The following PCSK5 variants were observed in gnomAD, a reference collection of about 807,000 sequenced individuals.
PCSK5 encodes proprotein convertase subtilisin/kexin type 5.
In PCSK5, 129 loss-of-function variants were observed where a neutral mutation model predicts 233.2. That is an observed-to-expected ratio of 0.55 (90% CI 0.48 to 0.64). PCSK5 has a LOEUF of 0.64. PCSK5 is among the 30% of genes least tolerant of loss of function. The pLI, the probability that PCSK5 is intolerant of heterozygous loss-of-function variation, is 0.00. For missense variants in PCSK5, 2,076 were observed against 2,430.1 expected (o/e 0.85, Z 3.06); for synonymous variants, 825 against 879.2 (o/e 0.94, Z 1.09).
At chr9:76,181,942 C>T (rs1823890189) in intron 16 of PCSK5, among the ~76,000 whole-genome samples, 1 of 152,122 alleles carries the variant, frequency 6.6e-6, no homozygotes, top group Non-Finnish European at 1.5e-5. Flanking sequence ...TATTCACTTC[C>T]CCGTGCAACA....
rs114151275 is a variant in PCSK5 at position 76,067,855 on chromosome 9, G to A, written c.633-100G>A. 480 of 914,628 alleles carry A rather than the reference G, an allele frequency of 5.2e-4. 1 individual carries two copies. The African/African-American group carries it at 7.0e-3, about 13-fold the overall frequency. 56.7% of individuals were successfully genotyped at this position (914,628 alleles called of 1,614,324 possible). A position where few individuals can be genotyped will look rare whatever the true frequency, so the allele number is the denominator to read the frequency against. On this transcript the variant is annotated intron_variant, in intron 5 of 37. Coordinates refer to ENST00000674117, the MANE Select transcript of PCSK5 (RefSeq NM_001372043.1). Reference sequence around the variant, plus strand: ...GGAAGGAAGTTCCAGAAACACCACAGCTGGGTACATTCTTCACCACTCTGA... The same window carrying A: ...GGAAGGAAGTTCCAGAAACACCACAACTGGGTACATTCTTCACCACTCTGA...
intron 22 of PCSK5, among the ~76,000 whole-genome samples, chr9:76,238,546 C>G (rs185124615): frequency 6.6e-6 from 1 of 152,176 alleles, no homozygotes; most frequent in Non-Finnish European, 1.5e-5. Flanking sequence ...TAAAAAGTGT[C>G]GATCATTATG....
intron 9 of PCSK5, among the ~76,000 whole-genome samples, chr9:76,133,061 C>T (rs62560885): frequency 0.15 from 22,640 of 152,018 alleles, 1,905 homozygotes; most frequent in East Asian, 0.27. Context: ...CCCCAAGCCC[C>T]ATCACACCTC....
intron 1 of PCSK5, among the ~76,000 whole-genome samples, chr9:75,913,472 C>T (rs140798910): frequency 4.6e-5 from 7 of 152,168 alleles, no homozygotes; most frequent in African/African-American, 1.7e-4. Context: ...CTGTAGAGGC[C>T]CCATCCACAC....
chr9:76,065,441 G>A (rs761174838), intron 5 of PCSK5, among the ~76,000 whole-genome samples: 1 of 152,038 alleles, frequency 6.6e-6, no homozygotes, highest in Admixed American at 6.5e-5. Flanking sequence ...TCACATACCC[G>A]TAGTCCAATT....
chr9:76,337,680 G>GC (rs1408120683), intron 34 of PCSK5, among the ~76,000 whole-genome samples: 2 of 151,520 alleles, frequency 1.3e-5, no homozygotes, highest in Non-Finnish European at 2.9e-5. Context: ...CACCATGTTG[G>GC]CCAGGCTGGT....
At chr9:76,268,851 A>G (rs1564146122) in intron 24 of PCSK5, among the ~76,000 whole-genome samples, 1 of 152,250 alleles carries the variant, frequency 6.6e-6, no homozygotes, top group Non-Finnish European at 1.5e-5. Flanking sequence ...TCTCAGAATC[A>G]AAACAAAACA....
intron 14 of PCSK5, 89 bp from the exon 15 acceptor site, chr9:76,179,507 A>C: frequency 1.1e-6 from 1 of 889,010 alleles, no homozygotes; most frequent in Non-Finnish European, 1.8e-6. Context: ...TAAGAAAAAA[A>C]AAAGTCTTAT....
In PCSK5 at chr9:76,107,277, C is replaced by T. The variant is rs1411245067; in HGVS notation, c.1134C>T (p.Cys378=). The change falls in exon 9 of 38, where the codon TGC becomes TGT. Residue 378 remains cysteine, a synonymous_variant. Coordinates refer to ENST00000674117, the MANE Select transcript of PCSK5 (RefSeq NM_001372043.1). The part of the protein sequence containing the change: ...KIITTDLRQR[C]TDNHTGTSAS... ...TCACTACAGATCTGAGGCAGCGTTG[C>T]ACGGACAACCACACTGGGACGTCAG... is the stretch of plus-strand genomic sequence containing the variant. The T allele has an allele frequency of 1.2e-6, 2 of 1,613,692 alleles. No individual in the cohort carries two copies. The highest frequency in any genetic ancestry group is 1.7e-6 in the Non-Finnish European group (2 of 1,179,722).
chr9:76,296,653 G>A lies in PCSK5; in HGVS notation c.3323-12G>A, dbSNP rs749121676. 3.1e-6 allele frequency: 5 copies of A among 1,587,364 alleles called. No homozygotes were observed. The East Asian group carries it at 6.7e-5, about 21-fold the overall frequency. ...TAAAGCCTTCATGCTTTCTCTCTGT[G>A]TTCTCACATAGGTGGCAGTTGTGTG... On this transcript the variant is annotated splice_polypyrimidine_tract_variant and intron_variant, in intron 26 of 37. Coordinates refer to ENST00000674117, the MANE Select transcript of PCSK5 (RefSeq NM_001372043.1).
intron 24 of PCSK5, among the ~76,000 whole-genome samples, chr9:76,245,288 GA>G (rs1337434937): frequency 6.6e-6 from 1 of 152,124 alleles, no homozygotes; most frequent in African/African-American, 2.4e-5. Context: ...TTTGCAGATT[GA>G]AATGGCTGTC....
intron 9 of PCSK5, among the ~76,000 whole-genome samples, chr9:76,122,403 G>A (rs1832676359): frequency 6.6e-6 from 1 of 151,958 alleles, no homozygotes; most frequent in African/African-American, 2.4e-5. Context: ...TTGATAGACT[G>A]TTATTTTCTA....
In PCSK5 at chr9:76,119,169, C is replaced by T. The variant is rs375841755; in HGVS notation, c.1208+11818C>T. On this transcript the variant is annotated intron_variant, in intron 9 of 37. Transcript: ENST00000674117. ...TTCAAAAGTGTGTTTCAAAGTCACT[C>T]GAAAAGATAATCTTTGAATCCTCTA... Among the ~76,000 whole-genome samples the T allele has an allele frequency of 4.6e-5, 7 of 152,014 alleles. 1 individual carries two copies. In the South Asian group the frequency reaches 6.2e-4, roughly 14 times the overall value.
At chr9:76,040,325 GTC>G (rs757550088) in intron 5 of PCSK5, among the ~76,000 whole-genome samples, 4,098 of 78,856 alleles carry the variant, frequency 0.052, 87 homozygotes, top group Non-Finnish European at 0.076. Context: ...TGTGTTCTCT[GTC>G]TCTCTCTCTC....
chr9:76,267,904 A>G (rs2131368953), intron 24 of PCSK5, among the ~76,000 whole-genome samples: 1 of 152,062 alleles, frequency 6.6e-6, no homozygotes, highest in South Asian at 2.1e-4. Context: ...TTTATTCAGT[A>G]ATGCACTGCC....
chr9:76,095,254 G>C (rs1214325188), intron 7 of PCSK5, among the ~76,000 whole-genome samples: 1 of 152,172 alleles, frequency 6.6e-6, no homozygotes, highest in African/African-American at 2.4e-5. Flanking sequence ...GAAGTACACA[G>C]TTAGTACTTG....
In PCSK5 at chr9:76,338,354, G is replaced by T. The variant is rs1386683046; in HGVS notation, c.4873G>T (p.Gly1625Ter). The T allele has an allele frequency of 2.5e-6, 4 of 1,612,762 alleles. No homozygotes were observed. Among genetic ancestry groups the T allele is most frequent in the Non-Finnish European group, 3.4e-6 (4 of 1,179,800 alleles). Residue 1625 changes from glycine to a stop codon, truncating the protein, a stop_gained, in exon 35 of 38, where the codon GGA becomes TGA. Coordinates refer to ENST00000674117, the MANE Select transcript of PCSK5 (RefSeq NM_001372043.1). LOFTEE classifies it high-confidence loss of function. ...ATTTTTCTTTCTGCTCCGCTCCAAAGGAGAGTGTCATCGCTCCTGCCCAGA... is the reference window on the plus strand; with the variant it reads ...ATTTTTCTTTCTGCTCCGCTCCAAATGAGAGTGTCATCGCTCCTGCCCAGA... ...DRFFFLLRSK[G>*]ECHRSCPDHY...
At position 76,125,122 on chromosome 9, in the gene PCSK5, TA is replaced by T. The variant is rs959954754; in HGVS notation, c.1209-8977del. ...TTAAAAAAATTATTCATTCTCAATTTAAAAAAAAAACTGGCTACAGAAAGGC... is the reference window on the plus strand; with the variant it reads ...TTAAAAAAATTATTCATTCTCAATTTAAAAAAAAACTGGCTACAGAAAGGC... On this transcript the variant is annotated intron_variant, in intron 9 of 37. Coordinates refer to ENST00000674117, the MANE Select transcript of PCSK5 (RefSeq NM_001372043.1). Among the ~76,000 whole-genome samples the T allele has an allele frequency of 5.9e-3, 881 of 149,430 alleles. 5 individuals are homozygous for T. Among genetic ancestry groups the T allele is most frequent in the African/African-American group, 0.011 (461 of 40,928 alleles).
chr9:76,317,328 A>T (rs1829062023), intron 30 of PCSK5, among the ~76,000 whole-genome samples: 1 of 152,228 alleles, frequency 6.6e-6, no homozygotes. Flanking sequence ...ACGCCACTGC[A>T]CTTCAGCCTG....
Sources: gnomAD v4.1 joint callset for allele counts (sites outside exome capture counted in the v4.1 genomes callset) on GRCh38, gnomAD v4.1.1 for gene constraint, MANE v1.5 for transcripts, NCBI Gene and HGNC (gene_info 2026-07-23, HGNC 2026-07-21) for gene names.